STX18: variants seen among roughly 807,000 people sequenced by gnomAD.
STX18 encodes the protein syntaxin 18, also known as syntaxin-18.
In STX18, 40 loss-of-function variants were observed where a neutral mutation model predicts 50.1. The ratio of observed to expected loss-of-function variants is 0.80; its 90% confidence interval spans 0.62 to 1.04. The LOEUF (loss-of-function observed/expected upper bound fraction) is 1.04, where lower values mean the gene tolerates loss of function less well. Ranked by LOEUF, STX18 falls within the 50% of genes least tolerant of loss-of-function variation. The pLI, the probability that STX18 is intolerant of heterozygous loss-of-function variation, is 0.00. For synonymous variants in STX18, 158 were observed against 151.8 expected (o/e 1.04, Z -0.30); for missense variants, 410 against 415.8 (o/e 0.99, Z 0.12).
intron 9 of STX18, among the ~76,000 whole-genome samples, 159 bp downstream of exon 9, chr4:4,423,359 G>C (rs1725065221): frequency 6.6e-6 from 1 of 152,218 alleles, no homozygotes; most frequent in Non-Finnish European, 1.5e-5. Flanking sequence ...GGTAGTGAGA[G>C]CTTTTCCCTG....
chr4:4,530,728 C>T (rs1011247660), intron 1 of STX18, among the ~76,000 whole-genome samples: 9 of 152,184 alleles, frequency 5.9e-5, no homozygotes, highest in African/African-American at 2.2e-4. Flanking sequence ...ACCTCAGCCT[C>T]CCGGGTAGCT....
intron 1 of STX18, among the ~76,000 whole-genome samples, chr4:4,494,962 C>T (rs1166870973): frequency 6.6e-6 from 1 of 152,104 alleles, no homozygotes; most frequent in African/African-American, 2.4e-5. Flanking sequence ...ATTATTTATC[C>T]CTTCCCCACC....
intron 1 of STX18, among the ~76,000 whole-genome samples, chr4:4,495,659 C>T (rs550471790): frequency 2.9e-4 from 44 of 149,262 alleles, no homozygotes; most frequent in African/African-American, 8.5e-4. Context: ...CCTTGGCTTG[C>T]TTTCTTTTAT....
At chr4:4,536,141 C>T (rs1731316242) in intron 1 of STX18, among the ~76,000 whole-genome samples, 3 of 152,126 alleles carry the variant, frequency 2.0e-5, no homozygotes, top group Admixed American at 1.3e-4. Flanking sequence ...CTCTTAATAC[C>T]GGACTAAGTA....
At chr4:4,468,523 T>C (rs1262551583) in intron 2 of STX18, among the ~76,000 whole-genome samples, 1 of 152,054 alleles carries the variant, frequency 6.6e-6, no homozygotes, top group Non-Finnish European at 1.5e-5. Context: ...GCTCTGGAAA[T>C]AAAGTCACCT....
At chr4:4,446,898 C>T (rs1726437969) in intron 5 of STX18, among the ~76,000 whole-genome samples, 1 of 152,308 alleles carries the variant, frequency 6.6e-6, no homozygotes, top group African/African-American at 2.4e-5. Flanking sequence ...CCTAAATGTC[C>T]ACCAACAGGA....
chr4:4,528,964 T>C (rs1730946157), intron 1 of STX18, among the ~76,000 whole-genome samples: 1 of 152,208 alleles, frequency 6.6e-6, no homozygotes, highest in Non-Finnish European at 1.5e-5. Flanking sequence ...TTCAAATGTC[T>C]ATAATCCATA....
At chr4:4,444,205 G>GT (rs1726267735) in intron 5 of STX18, among the ~76,000 whole-genome samples, 2 of 152,208 alleles carry the variant, frequency 1.3e-5, no homozygotes, top group Non-Finnish European at 1.5e-5. Flanking sequence ...TTTACAAGCA[G>GT]TAGTGGTTCT....
intron 2 of STX18, among the ~76,000 whole-genome samples, chr4:4,468,002 C>T (rs1727704934): frequency 6.6e-6 from 1 of 152,174 alleles, no homozygotes; most frequent in Non-Finnish European, 1.5e-5. Context: ...GAGAAAAAAC[C>T]ATCAAGGCGC....
chr4:4,425,678 G>C (rs1190590283), intron 7 of STX18: 2 of 160,332 alleles, frequency 1.2e-5, no homozygotes, highest in African/African-American at 4.8e-5. Flanking sequence ...GGGGAGGTGG[G>C]CAGCTTGGCC....
At chr4:4,501,335 C>T (rs1337110376) in intron 1 of STX18, among the ~76,000 whole-genome samples, 1 of 152,216 alleles carries the variant, frequency 6.6e-6, no homozygotes, top group African/African-American at 2.4e-5. Context: ...CCCCTCCCAG[C>T]CTCCTAGGCA....
intron 1 of STX18, among the ~76,000 whole-genome samples, chr4:4,473,323 T>G (rs1402248497): frequency 6.7e-6 from 1 of 150,276 alleles, no homozygotes; most frequent in East Asian, 1.9e-4. Context: ...GATGGAGTCT[T>G]GCTCTGTCAC....
chr4:4,493,534 GAGAAATATTGATTC>G (rs1729038309), intron 1 of STX18, among the ~76,000 whole-genome samples: 1 of 152,122 alleles, frequency 6.6e-6, no homozygotes, highest in Non-Finnish European at 1.5e-5. Flanking sequence ...GTTTAGGTGG[GAGAAATATTGATTC>G]AAATGACGCA....
At chr4:4,446,497 A>C in intron 5 of STX18, among the ~76,000 whole-genome samples, 1 of 152,262 alleles carries the variant, frequency 6.6e-6, no homozygotes, top group Non-Finnish European at 1.5e-5. Flanking sequence ...AAATGAGTAA[A>C]AGACTTGAAC....
intron 1 of STX18, among the ~76,000 whole-genome samples, chr4:4,490,050 T>C (rs757949738): frequency 2.8e-4 from 42 of 152,206 alleles, no homozygotes; most frequent in Non-Finnish European, 5.6e-4. Flanking sequence ...TTCATTCATA[T>C]TGCAATGAAT....
At chr4:4,468,536 C>G (rs1727742208) in intron 2 of STX18, among the ~76,000 whole-genome samples, 1 of 152,100 alleles carries the variant, frequency 6.6e-6, no homozygotes, top group Non-Finnish European at 1.5e-5. Flanking sequence ...AGTCACCTTC[C>G]TTTCGTCCTT....
At chr4:4,512,228 T>G (rs968248811) in intron 1 of STX18, among the ~76,000 whole-genome samples, 1 of 152,104 alleles carries the variant, frequency 6.6e-6, no homozygotes, top group Admixed American at 6.6e-5. Flanking sequence ...TAGCCTTAAT[T>G]TTCTCATTGC....
chr4:4,463,297 T>C (rs770605623), intron 2 of STX18, among the ~76,000 whole-genome samples: 1 of 152,242 alleles, frequency 6.6e-6, no homozygotes, highest in Admixed American at 6.5e-5. Context: ...TGTGTGCCAA[T>C]AAAACTTTAT....
intron 7 of STX18, among the ~76,000 whole-genome samples, chr4:4,430,162 T>C (rs1323028138): frequency 6.6e-6 from 1 of 152,254 alleles, no homozygotes; most frequent in Non-Finnish European, 1.5e-5. Flanking sequence ...TGCAACCATT[T>C]TGAAATATGT....
Sources: allele counts gnomAD v4.1 joint callset (sites outside exome capture counted in the v4.1 genomes callset), GRCh38; gene constraint gnomAD v4.1.1; transcripts MANE v1.5; gene names NCBI Gene and HGNC (gene_info 2026-07-23, HGNC 2026-07-21).